The following FSIP2 variants were observed in gnomAD, a reference collection of about 807,000 sequenced individuals.
FSIP2 encodes fibrous sheath interacting protein 2.
Under a neutral mutation model 510.5 loss-of-function variants are expected in FSIP2, and 367 were observed. The ratio of observed to expected loss-of-function variants is 0.72; its 90% CI spans 0.66 to 0.78. FSIP2 has a LOEUF of 0.78. Ranked by LOEUF, FSIP2 falls within the 30% of genes least tolerant of loss-of-function variation. The pLI is 0.00. For synonymous variants in FSIP2, 2,601 were observed against 2,732.2 expected (o/e 0.95, Z 1.50); for missense variants, 7,594 against 7,901.7 (o/e 0.96, Z 1.48).
chr2:185,752,527 C>T (rs1692169794), intron 7 of FSIP2, among the ~76,000 whole-genome samples: 1 of 151,154 alleles, frequency 6.6e-6, no homozygotes, highest in Admixed American at 6.6e-5. Context: ...TCTTTTCTCT[C>T]CTCTCTTCAG....
Position 185,793,949 on chromosome 2 carries a change from A to C in FSIP2, c.6813A>C (p.Ser2271=), listed in dbSNP as rs781086513. The change falls in exon 16 of 23, where the codon TCA becomes TCC. Residue 2271 remains serine, a synonymous_variant. Coordinates refer to ENST00000424728, the MANE Select transcript of FSIP2 (RefSeq NM_173651.4). ...LESFATERID[S]LITLAFQSKE... is the part of the protein sequence containing the mutation. ...CTTTTGCCACAGAAAGAATAGATTC[A>C]TTAATTACCCTTGCTTTCCAAAGTA... 34 of 1,526,634 alleles carry C rather than the reference A, an allele frequency of 2.2e-5. No individual in the cohort carries two copies. In the African/African-American group the frequency reaches 4.7e-4, roughly 21 times the overall value. 94.6% of individuals were successfully genotyped at this position (1,526,634 alleles called of 1,614,324 possible).
chr2:185,740,108 T>C (rs1174921069), intron 2 of FSIP2, among the ~76,000 whole-genome samples: 1 of 152,186 alleles, frequency 6.6e-6, no homozygotes, highest in Non-Finnish European at 1.5e-5. Flanking sequence ...CTTTCACACC[T>C]ACCCATAAAT....
At chr2:185,760,744 T>G (rs1244564549) in intron 9 of FSIP2, among the ~76,000 whole-genome samples, 2 of 150,530 alleles carry the variant, frequency 1.3e-5, no homozygotes, top group Non-Finnish European at 3.0e-5. Context: ...CTTGAGTTAG[T>G]GGTATAGATC....
rs1221967556 is a variant in FSIP2, at chr2:185,738,817, T to A, written c.-78T>A. 1 of 1,535,688 alleles carries A rather than the reference T, an allele frequency of 6.5e-7. No individual in the cohort carries two copies. The highest frequency in any genetic ancestry group is 8.7e-7 in the Non-Finnish European group (1 of 1,146,744). ...TGGGCTCTGGCCATTCCTGGTCAGG[T>A]CCGGACAGAGGGACAACGGGGTGCT... On this transcript the variant is annotated 5_prime_UTR_variant, in exon 1 of 23. Transcript: ENST00000424728.
rs1240008416 is a variant in FSIP2 at position 185,802,327 on chromosome 2, T to C, written c.13021T>C (p.Ser4341Pro). 6 of 1,533,602 alleles carry C rather than the reference T, an allele frequency of 3.9e-6. No individual in the cohort carries two copies. The highest frequency in any genetic ancestry group is 5.2e-6 in the Non-Finnish European group (6 of 1,145,294). The allele number at this position is 1,533,602 out of a possible 1,614,324, so 95.0% of individuals were successfully genotyped here. The change falls in exon 17 of 23, where the codon TCC becomes CCC. Residue 4341 changes from serine to proline, a missense_variant. By Grantham distance (74) the Ser-to-Pro change is moderately conservative (BLOSUM62 -1). Coordinates refer to ENST00000424728, the MANE Select transcript of FSIP2 (RefSeq NM_173651.4). Reference protein sequence around the residue: ...LKNMTQRIVNSINRHFNKAKI... With the variant: ...LKNMTQRIVNPINRHFNKAKI... ...AAACATGACCCAAAGAATAGTAAAC[T>C]CCATAAATAGGCATTTCAATAAAGC...
rs747440726 is a variant in FSIP2, at chr2:185,747,324, A to C, written c.771A>C (p.Thr257=). Residue 257 remains threonine (T), a synonymous_variant, in exon 7 of 23, where the codon ACA becomes ACC. Coordinates refer to ENST00000424728, the MANE Select transcript of FSIP2 (RefSeq NM_173651.4). The part of the protein sequence containing the change: ...LRRKIEEEWK[T]KEMLLLTRMA... ...ATTGTGATTTCTAGGAATGGAAGACAAAAGAGATGTTACTTCTGACAAGGA... is the reference window on the plus strand; with the variant it reads ...ATTGTGATTTCTAGGAATGGAAGACCAAAGAGATGTTACTTCTGACAAGGA... The C allele has an allele frequency of 2.0e-6, 3 of 1,521,794 alleles. No homozygotes were observed. The highest frequency in any genetic ancestry group is 2.6e-6 in the Non-Finnish European group (3 of 1,133,934). 94.3% of individuals were successfully genotyped at this position (1,521,794 alleles called of 1,614,324 possible).
rs761724138 is a variant in FSIP2, at chr2:185,807,585, G to T, written c.18279G>T (p.Leu6093Phe). The change falls in exon 17 of 23, where the codon TTG (leucine) becomes TTT (phenylalanine). Residue 6093 changes from leucine to phenylalanine, a missense_variant. Leu to Phe is a conservative substitution (Grantham distance 22, BLOSUM62 0). Coordinates refer to ENST00000424728, the MANE Select transcript of FSIP2 (RefSeq NM_173651.4). ...LVVQSVYNNL[L>F]PQFGSQEIIQ... ...TTCAGTCTGTTTATAATAATCTCTT[G>T]CCACAGTTTGGATCACAAGAGATTA... is the stretch of plus-strand genomic sequence containing the variant. 6.2e-7 allele frequency: 1 copy of T among 1,612,408 alleles called. No individual in the cohort carries two copies.
rs769957955 is a variant in FSIP2, at chr2:185,815,761, G to C, written c.20426+290G>C. Among the ~76,000 whole-genome samples the C allele has an allele frequency of 3.3e-4, 50 of 152,076 alleles. No homozygotes were observed. In the Middle Eastern group the frequency reaches 0.01, roughly 31 times the overall value. ...TGTATTAGGGTATTTTCTAACCTGA[G>C]AGAGAGAGGTAATGGCCCAGAAATG... On this transcript the variant is annotated intron_variant, in intron 19 of 22. Transcript: ENST00000424728.
chr2:185,738,700 G>C (rs1054986644), upstream of FSIP2: 8 of 1,536,104 alleles, frequency 5.2e-6, no homozygotes, highest in Non-Finnish European at 7.0e-6. Flanking sequence ...GGCGCTCTAC[G>C]CGCTGGCGCG....
At position 185,805,573 on chromosome 2, in the gene FSIP2, C is replaced by T. The variant is rs749470647; in HGVS notation, c.16267C>T (p.Pro5423Ser). 5.6e-6 allele frequency: 9 copies of T among 1,610,062 alleles called. No homozygotes were observed. The highest frequency in any genetic ancestry group is 7.6e-6 in the Non-Finnish European group (9 of 1,178,134). ...TATCACCCAAAGGGTTCAACACCTA[C>T]CACAAAACACCTTTACACAAATAAG... ...DNITQRVQHL[P>S]QNTFTQISRC... is the part of the protein sequence containing the mutation. The change falls in exon 17 of 23, where the codon CCA becomes TCA. Residue 5423 changes from proline (P) to serine (S), a missense_variant. Physicochemically the swap from Pro to Ser is moderately conservative, Grantham distance 74. Coordinates refer to ENST00000424728, the MANE Select transcript of FSIP2 (RefSeq NM_173651.4).
At chr2:185,765,188 C>A (rs1052851439) in intron 13 of FSIP2, 1 of 151,938 alleles carries the variant, frequency 6.6e-6, no homozygotes, top group Admixed American at 6.6e-5. Context: ...TTACAATTGG[C>A]TAATCAAGAT....
At chr2:185,784,828 CTCA>C in intron 14 of FSIP2, among the ~76,000 whole-genome samples, 1 of 152,024 alleles carries the variant, frequency 6.6e-6, no homozygotes, top group East Asian at 1.9e-4. Flanking sequence ...AACTATAATT[CTCA>C]TCATTTTTCT....
chr2:185,744,833 C>T (rs1691992849), intron 4 of FSIP2: 1 of 152,730 alleles, frequency 6.5e-6, no homozygotes, highest in Non-Finnish European at 1.5e-5. Flanking sequence ...TGTTTGTACT[C>T]ATACACGTGC....
chr2:185,765,708 G>T (rs926624815), intron 13 of FSIP2: 3 of 151,676 alleles, frequency 2.0e-5, no homozygotes, highest in Admixed American at 6.6e-5. Flanking sequence ...GATGGGGATG[G>T]CATTGAATCT....
chr2:185,804,969 T>G lies in FSIP2; in HGVS notation c.15663T>G (p.Ser5221Arg), dbSNP rs1177135304. ...ACAAAAAAGGATGCTCATTCCTCAG[T>G]AAATTAGCTGGTTTTATTATGAAAG... Reference protein sequence around the residue: ...DADKKGCSFLSKLAGFIMKEI... With the variant: ...DADKKGCSFLRKLAGFIMKEI... The change falls in exon 17 of 23, where the codon AGT becomes AGG. Residue 5221 changes from serine to arginine, a missense_variant. Transcript: ENST00000424728. The G allele has an allele frequency of 2.4e-5, 37 of 1,543,832 alleles. No individual in the cohort carries two copies. Among genetic ancestry groups the G allele is most frequent in the Non-Finnish European group, 3.1e-5 (36 of 1,150,278 alleles).
Position 185,789,858 on chromosome 2 carries a change from G to A in FSIP2, c.2722G>A (p.Ala908Thr), listed in dbSNP as rs1274460813. 2.0e-6 allele frequency: 3 copies of A among 1,531,664 alleles called. No homozygotes were observed. The South Asian group carries it at 3.6e-5, about 18-fold the overall frequency. The allele number at this position is 1,531,664 out of a possible 1,614,324, so 94.9% of individuals were successfully genotyped here. Residue 908 changes from alanine to threonine, a missense_variant, in exon 16 of 23, where the codon GCA becomes ACA. Coordinates refer to ENST00000424728, the MANE Select transcript of FSIP2 (RefSeq NM_173651.4). ...QSSLVAYIEE[A>T]INAILGYIQT... ...TTCTTTGGTTGCTTATATAGAGGAA[G>A]CAATCAATGCTATACTAGGTTATAT...
In FSIP2 at chr2:185,809,007, A is replaced by C; in HGVS notation, c.19701A>C (p.Ala6567=). 1 of 1,612,912 alleles carries C rather than the reference A, an allele frequency of 6.2e-7. No individual in the cohort carries two copies. ...ECLKRTGHSI[A]ELRRASISGR... ...TGAAAAGAACTGGACATAGCATAGC[A>C]GAACTGAGAAGAGCATCAATAAGTG... Residue 6567 remains alanine (A), a synonymous_variant, in exon 17 of 23, where the codon GCA becomes GCC. Coordinates refer to ENST00000424728, the MANE Select transcript of FSIP2 (RefSeq NM_173651.4).
At position 185,794,875 on chromosome 2, in the gene FSIP2, A is replaced by T; in HGVS notation, c.7739A>T (p.Lys2580Ile). The change falls in exon 16 of 23, where the codon AAA (lysine) becomes ATA (isoleucine). Residue 2580 changes from lysine to isoleucine, a missense_variant. Coordinates refer to ENST00000424728, the MANE Select transcript of FSIP2 (RefSeq NM_173651.4). ...ISDHNDSLLM[K>I]PLRFRETKQA... ...GACCACAATGATTCCTTACTAATGAAACCATTAAGGTTTAGAGAAACTAAA... is the reference window on the plus strand; with the variant it reads ...GACCACAATGATTCCTTACTAATGATACCATTAAGGTTTAGAGAAACTAAA... 11 of 1,533,826 alleles carry T rather than the reference A, an allele frequency of 7.2e-6. No individual in the cohort carries two copies. Among genetic ancestry groups the T allele is most frequent in the African/African-American group, 1.4e-5 (1 of 73,002 alleles).
chr2:185,748,219 C>A (rs1692075355), intron 7 of FSIP2, among the ~76,000 whole-genome samples: 1 of 151,996 alleles, frequency 6.6e-6, no homozygotes, highest in Admixed American at 6.6e-5. Flanking sequence ...AGACTCACTG[C>A]TCATTTTGCA....
Sources: allele counts gnomAD v4.1 joint callset (sites outside exome capture counted in the v4.1 genomes callset), GRCh38; gene constraint gnomAD v4.1.1; transcripts MANE v1.5; gene names NCBI Gene and HGNC (gene_info 2026-07-23, HGNC 2026-07-21).